Variants in EIF4EBP1 observed in about 807,000 individuals in gnomAD.
The protein encoded by EIF4EBP1 is eukaryotic translation initiation factor 4E-binding protein 1.
EIF4EBP1 carries 5 observed loss-of-function variants against 9.2 expected under a neutral mutation model. That is an observed-to-expected ratio of 0.54 (90% CI 0.28 to 1.14). The LOEUF is 1.14. EIF4EBP1 is among the 50% of genes most tolerant of loss of function. The pLI is 0.09. For synonymous variants in EIF4EBP1, 62 were observed against 67.0 expected (o/e 0.93, Z 0.36); for missense variants, 139 against 169.6 (o/e 0.82, Z 1.00).
intron 1 of EIF4EBP1, among the ~76,000 whole-genome samples, chr8:38,046,147 C>T (rs1809446272): frequency 6.6e-6 from 1 of 152,214 alleles, no homozygotes; most frequent in Non-Finnish European, 1.5e-5. Context: ...AAGTGATCCA[C>T]CTGCCTTGGC....
chr8:38,044,246 G>A (rs1471073690), intron 1 of EIF4EBP1, among the ~76,000 whole-genome samples: 3 of 152,090 alleles, frequency 2.0e-5, no homozygotes, highest in Non-Finnish European at 4.4e-5. Flanking sequence ...GAACCCCAGG[G>A]GAAAGTGAGG....
chr8:38,040,552 T>C (rs957616919), intron 1 of EIF4EBP1, among the ~76,000 whole-genome samples: 3 of 152,196 alleles, frequency 2.0e-5, no homozygotes, highest in African/African-American at 7.2e-5. Flanking sequence ...TCTTTGTAGA[T>C]CTTGCTGAGC....
chr8:38,033,417 C>T (rs991891612), intron 1 of EIF4EBP1, among the ~76,000 whole-genome samples: 5 of 151,710 alleles, frequency 3.3e-5, no homozygotes, highest in Non-Finnish European at 7.4e-5. Flanking sequence ...ACATACCACA[C>T]TCTGAGTACT....
intron 1 of EIF4EBP1, among the ~76,000 whole-genome samples, chr8:38,055,739 G>A (rs1180628992): frequency 1.3e-5 from 2 of 152,118 alleles, no homozygotes; most frequent in South Asian, 2.1e-4. Flanking sequence ...GCTCACACCT[G>A]TAATCCCAGC....
chr8:38,031,549 C>T (rs1394168646), intron 1 of EIF4EBP1, among the ~76,000 whole-genome samples: 4 of 152,212 alleles, frequency 2.6e-5, no homozygotes, highest in Non-Finnish European at 5.9e-5. Flanking sequence ...GCTCTCTCCT[C>T]CCCTCTCATT....
chr8:38,050,083 T>C (rs1162097818), intron 1 of EIF4EBP1, among the ~76,000 whole-genome samples: 1 of 151,968 alleles, frequency 6.6e-6, no homozygotes, highest in African/African-American at 2.4e-5. Flanking sequence ...GCTAATGTTT[T>C]GTATTTTTAG....
chr8:38,047,050 T>C (rs1809457196), intron 1 of EIF4EBP1, among the ~76,000 whole-genome samples: 2 of 152,154 alleles, frequency 1.3e-5, no homozygotes, highest in African/African-American at 4.8e-5. Context: ...CCTCGGGCAC[T>C]GGAGAACTGG....
In EIF4EBP1 at chr8:38,056,955, AC is replaced by A. The variant is rs1214733978; in HGVS notation, c.146-123del. ...TGGGATTATGGGCATGAGCCACCGC[AC>A]CCAGCCTCCTCTGGGTTTTTCAGGA... On this transcript the variant is annotated intron_variant, in intron 1 of 2. Transcript: ENST00000338825. The A allele has an allele frequency of 1.9e-5, 19 of 999,840 alleles. No individual in the cohort carries two copies. The African/African-American group carries it at 3.0e-4, about 16-fold the overall frequency. The allele number at this position is 999,840 out of a possible 1,614,324, so 61.9% of individuals were successfully genotyped here.
intron 1 of EIF4EBP1, among the ~76,000 whole-genome samples, chr8:38,036,693 G>GT (rs1215121594): frequency 1.3e-5 from 2 of 149,488 alleles, no homozygotes; most frequent in Admixed American, 1.3e-4. Flanking sequence ...TTGAAACAGG[G>GT]TCTCACTTTG....
chr8:38,040,799 C>T (rs1297027987), intron 1 of EIF4EBP1, among the ~76,000 whole-genome samples: 2 of 152,164 alleles, frequency 1.3e-5, no homozygotes, highest in South Asian at 2.1e-4. Flanking sequence ...CATCACTTAC[C>T]AAGTATTCTG....
At position 38,060,154 on chromosome 8, in the gene EIF4EBP1, C is replaced by A; in HGVS notation, c.*219C>A. Reference sequence around the variant, plus strand: ...GCCTCCACTGATGCAGGAGCTGCCACCCCAAGGGGAGTGACCCCTGCCAGC... The same window carrying A: ...GCCTCCACTGATGCAGGAGCTGCCAACCCAAGGGGAGTGACCCCTGCCAGC... On this transcript the variant is annotated 3_prime_UTR_variant, in exon 3 of 3. Transcript: ENST00000338825. 1.6e-6 allele frequency: 1 copy of A among 613,224 alleles called. No individual in the cohort carries two copies. Among genetic ancestry groups the A allele is most frequent in the Non-Finnish European group, 2.9e-6 (1 of 342,188 alleles). The allele number at this position is 613,224 out of a possible 1,614,324, so 38.0% of individuals were successfully genotyped here. A position where few individuals can be genotyped will look rare whatever the true frequency, so the allele number is the denominator to read the frequency against.
Position 38,030,728 on chromosome 8 carries a change from G to C in EIF4EBP1, c.145+10G>C. ...AGCACCACCCCGGGAGGTAGGCGCG[G>C]GCTTGGCGACGCCGCTTGCCGGCTC... On this transcript the variant is annotated intron_variant, in intron 1 of 2. Transcript: ENST00000338825. 7.2e-7 allele frequency: 1 copy of C among 1,385,190 alleles called. No homozygotes were observed. Among genetic ancestry groups the C allele is most frequent in the Non-Finnish European group, 9.3e-7 (1 of 1,075,836 alleles). The allele number at this position is 1,385,190 out of a possible 1,614,324, so 85.8% of individuals were successfully genotyped here.
At chr8:38,045,451 T>A (rs1809436984) in intron 1 of EIF4EBP1, among the ~76,000 whole-genome samples, 1 of 151,440 alleles carries the variant, frequency 6.6e-6, no homozygotes. Flanking sequence ...TTTATTGTAA[T>A]CCCAGAACTT....
At position 38,034,947 on chromosome 8, in the gene EIF4EBP1, G is replaced by T. The variant is rs539282767; in HGVS notation, c.145+4229G>T. Among the ~76,000 whole-genome samples the T allele has an allele frequency of 2.0e-5, 3 of 152,274 alleles. No individual in the cohort carries two copies. The South Asian group carries it at 6.2e-4, about 32-fold the overall frequency. ...ATGGACCCTCTTCTCACATTTACCT[G>T]AGCTTCCTTTTAAAGTGTTTGAAGG... On this transcript the variant is annotated intron_variant, in intron 1 of 2. Coordinates refer to ENST00000338825, the MANE Select transcript of EIF4EBP1 (RefSeq NM_004095.4).
intron 1 of EIF4EBP1, among the ~76,000 whole-genome samples, chr8:38,031,558 T>C (rs2130375391): frequency 2.0e-5 from 3 of 152,256 alleles, no homozygotes; most frequent in Admixed American, 2.0e-4. Flanking sequence ...TCCCCTCTCA[T>C]TGTCGCACTG....
chr8:38,045,054 A>G (rs1182962066), intron 1 of EIF4EBP1, among the ~76,000 whole-genome samples: 1 of 152,140 alleles, frequency 6.6e-6, no homozygotes. Flanking sequence ...TTGGTTGCGT[A>G]TGTTCTCCCA....
At chr8:38,039,024 C>A (rs980110726) in intron 1 of EIF4EBP1, among the ~76,000 whole-genome samples, 1 of 151,534 alleles carries the variant, frequency 6.6e-6, no homozygotes, top group South Asian at 2.1e-4. Context: ...TCCTGAGTAG[C>A]TGGGATTACA....
At chr8:38,059,050 C>T (rs529664186) in intron 2 of EIF4EBP1, among the ~76,000 whole-genome samples, 4 of 152,216 alleles carry the variant, frequency 2.6e-5, no homozygotes, top group South Asian at 4.1e-4. Flanking sequence ...CGTAACTGCA[C>T]GCCAGCCTGG....
At chr8:38,050,158 C>T (rs1032407898) in intron 1 of EIF4EBP1, among the ~76,000 whole-genome samples, 2 of 151,924 alleles carry the variant, frequency 1.3e-5, no homozygotes, top group African/African-American at 2.4e-5. Flanking sequence ...GTGATCCACC[C>T]GCCTCAGCCT....
Sources: allele counts gnomAD v4.1 joint callset (sites outside exome capture counted in the v4.1 genomes callset), GRCh38; gene constraint gnomAD v4.1.1; transcripts MANE v1.5; gene names NCBI Gene and HGNC (gene_info 2026-07-23, HGNC 2026-07-21).